The following CHRNA2 variants were observed in gnomAD, a reference collection of about 807,000 sequenced individuals.
CHRNA2 encodes cholinergic receptor nicotinic alpha 2 subunit.
In CHRNA2, 40 loss-of-function variants were observed where a neutral mutation model predicts 45.5. The ratio of observed to expected loss-of-function variants is 0.88; its 90% CI spans 0.68 to 1.15. The LOEUF (loss-of-function observed/expected upper bound fraction) is 1.15. Ranked by LOEUF, CHRNA2 falls within the 50% of genes most tolerant of loss-of-function variation. The pLI is 0.00. For missense variants in CHRNA2, 655 were observed against 701.7 expected, an observed-to-expected ratio of 0.93 and a Z score of 0.75; for synonymous variants, 301 against 296.7, an observed-to-expected ratio of 1.01 and a Z score of -0.15.
At chr8:27,462,934 T>G (rs368887170) in intron 6 of CHRNA2, 45 bp downstream of exon 6, 11 of 1,612,968 alleles carry the variant, frequency 6.8e-6, no homozygotes, top group Non-Finnish European at 9.3e-6. Flanking sequence ...CCCCGCTAAG[T>G]TGGTGGGGCC....
At chr8:27,462,013 C>CT (rs1812509165) in intron 6 of CHRNA2, among the ~76,000 whole-genome samples, 1 of 152,352 alleles carries the variant, frequency 6.6e-6, no homozygotes, top group South Asian at 2.1e-4. Flanking sequence ...TATTATGCTC[C>CT]TAGACTATAG....
At position 27,469,832 on chromosome 8, in the gene CHRNA2, G is replaced by A. The variant is rs770949841; in HGVS notation, c.223C>T (p.Arg75Cys). 2.0e-5 allele frequency: 32 copies of A among 1,614,054 alleles called. No homozygotes were observed. The highest frequency in any genetic ancestry group is 2.4e-5 in the Non-Finnish European group (28 of 1,180,046). Residue 75 changes from arginine (R) to cysteine (C), a missense_variant, in exon 3 of 7, where the codon CGC becomes TGC. Transcript: ENST00000407991. ...HLFRGYNRWARPVPNTSDVVI... is the reference protein window; with the variant it reads ...HLFRGYNRWACPVPNTSDVVI... ...ACGTCTGAAGTGTTGGGCACCGGGCGCGCCCAGCGGTTGTAGCCCCGGAAG... is the reference window on the plus strand; with the variant it reads ...ACGTCTGAAGTGTTGGGCACCGGGCACGCCCAGCGGTTGTAGCCCCGGAAG...
rs1812452955 is a variant in CHRNA2 at position 27,460,787 on chromosome 8, C to A, written c.*842G>T. The A allele has an allele frequency of 6.6e-6, 1 of 152,344 alleles. No homozygotes were observed. Among genetic ancestry groups the A allele is most frequent in the Admixed American group, 6.5e-5 (1 of 15,292 alleles). 9.4% of individuals were successfully genotyped at this position (152,344 alleles called of 1,614,324 possible). On this transcript the variant is annotated 3_prime_UTR_variant, in exon 7 of 7. Coordinates refer to ENST00000407991, the MANE Select transcript of CHRNA2 (RefSeq NM_000742.4). ...TGCACGCGTAGGGACATATGGAGCC[C>A]CTGCAGGCCATGGCTCTCAGCTCTG...
chr8:27,464,055 CAG>C (rs1158056432), intron 5 of CHRNA2, 62 bp from the exon 6 acceptor site: 6 of 1,593,536 alleles, frequency 3.8e-6, no homozygotes, highest in Non-Finnish European at 5.1e-6. Flanking sequence ...CCAGGCTACT[CAG>C]AGAGCTGGCA....
rs530383631 is a variant in CHRNA2, at chr8:27,463,168, A to T, written c.1275T>A (p.Cys425Ter). The change falls in exon 6 of 7, where the codon TGT (cysteine) becomes TGA (stop). Residue 425 changes from cysteine (C) to a stop codon, truncating the protein, a stop_gained. Coordinates refer to ENST00000407991, the MANE Select transcript of CHRNA2 (RefSeq NM_000742.4). LOFTEE classifies it high-confidence loss of function. The surrounding 1 kb of genome is among the most constrained non-coding windows in gnomAD (Gnocchi z 6.1). ...CCACAGAGGGGGCCACATGACCTGCACATGCCCATCTGTCCTCCTCCTCCA... is the reference window on the plus strand; with the variant it reads ...CCACAGAGGGGGCCACATGACCTGCTCATGCCCATCTGTCCTCCTCCTCCA... ...VVVEEEDRWA[C>*]AGHVAPSVGT... is the part of the protein sequence containing the mutation. The T allele has an allele frequency of 4.4e-6, 7 of 1,598,810 alleles. No homozygotes were observed. The African/African-American group carries it at 9.4e-5, about 21-fold the overall frequency.
rs753696515 is a variant in CHRNA2 at position 27,467,377 on chromosome 8, G to C, written c.340-39C>G. On this transcript the variant is annotated intron_variant, in intron 4 of 6. Coordinates refer to ENST00000407991, the MANE Select transcript of CHRNA2 (RefSeq NM_000742.4). ...AGGAGTTGTGTCAACCTCGCTTCCA[G>C]GGAGCAGCCTAGGGCAAAGCTAGCA... 3.3e-6 allele frequency: 5 copies of C among 1,518,138 alleles called. No individual in the cohort carries two copies. The South Asian group carries it at 5.6e-5, about 17-fold the overall frequency. 94.0% of individuals were successfully genotyped at this position (1,518,138 alleles called of 1,614,324 possible).
intron 1 of CHRNA2, among the ~76,000 whole-genome samples, chr8:27,474,697 A>G (rs1319541851): frequency 2.0e-5 from 3 of 152,272 alleles, no homozygotes; most frequent in Non-Finnish European, 4.4e-5. Context: ...CTCTGTTCAC[A>G]CAGCAAACCC....
intron 1 of CHRNA2, among the ~76,000 whole-genome samples, chr8:27,473,738 G>A (rs528163827): frequency 2.0e-5 from 3 of 152,136 alleles, no homozygotes; most frequent in Admixed American, 1.3e-4. Context: ...GTAAACCACC[G>A]GGTATGAGAG....
At chr8:27,467,150 G>T in intron 5 of CHRNA2, 79 bp downstream of exon 5, 1 of 1,092,188 alleles carries the variant, frequency 9.2e-7, no homozygotes, top group East Asian at 2.4e-5. Context: ...GACACCAGGG[G>T]GGCCCCTCCC....
rs1393164689 is a variant in CHRNA2, at chr8:27,479,225, G to T, written c.-538C>A. The T allele has an allele frequency of 1.3e-5, 2 of 153,990 alleles. No homozygotes were observed. The highest frequency in any genetic ancestry group is 3.0e-3 in the Middle Eastern group (1 of 332). 9.5% of individuals were successfully genotyped at this position (153,990 alleles called of 1,614,324 possible). On this transcript the variant is annotated 5_prime_UTR_variant, in exon 1 of 7. Coordinates refer to ENST00000407991, the MANE Select transcript of CHRNA2 (RefSeq NM_000742.4). ...GAGGGCTCAGCACACAAGCACACAG[G>T]CTCACGCTGTTCTCTCTCTCTCTCA...
At position 27,469,987 on chromosome 8, in the gene CHRNA2, A is replaced by G. The variant is rs755545432; in HGVS notation, c.74-6T>C. On this transcript the variant is annotated splice_polypyrimidine_tract_variant and splice_region_variant and intron_variant, in intron 2 of 6. Transcript: ENST00000407991. ...GCGCTTAGCTTCCTCTCCACCTGCC[A>G]TCAAATCAGAGCCACTCAGCCTCAC... The G allele has an allele frequency of 1.2e-6, 2 of 1,612,270 alleles. No homozygotes were observed. The highest frequency in any genetic ancestry group is 1.7e-6 in the Non-Finnish European group (2 of 1,179,276).
intron 1 of CHRNA2, among the ~76,000 whole-genome samples, chr8:27,473,454 C>G (rs1299910802): frequency 6.6e-6 from 1 of 151,470 alleles, no homozygotes; most frequent in Non-Finnish European, 1.5e-5. Context: ...AATTCCAGCT[C>G]TTTTGGAGGC....
chr8:27,472,728 G>A (rs1338569012), intron 1 of CHRNA2, among the ~76,000 whole-genome samples: 2 of 152,188 alleles, frequency 1.3e-5, no homozygotes, highest in African/African-American at 4.8e-5. Context: ...GAACTAGACG[G>A]TGTGATGTTA....
chr8:27,476,215 G>T (rs1366238470), intron 1 of CHRNA2, among the ~76,000 whole-genome samples: 2 of 152,194 alleles, frequency 1.3e-5, no homozygotes, highest in Admixed American at 6.5e-5. Flanking sequence ...TAGGAACAGG[G>T]AACTGAGTGA....
intron 2 of CHRNA2, 100 bp from the exon 3 acceptor site, chr8:27,470,081 G>A (rs1563323257): frequency 9.1e-6 from 10 of 1,100,770 alleles, no homozygotes; most frequent in Non-Finnish European, 1.3e-5. Flanking sequence ...CATTGTTGAA[G>A]ATGGCAGATG....
chr8:27,467,396 G>C, intron 4 of CHRNA2, 58 bp from the exon 5 acceptor site: 1 of 1,361,834 alleles, frequency 7.3e-7, no homozygotes, highest in Non-Finnish European at 1.0e-6. Context: ...CTAGGGCAAA[G>C]CTAGCACACC....
At chr8:27,476,452 T>TGG (rs1813063244) in intron 1 of CHRNA2, among the ~76,000 whole-genome samples, 1 of 152,226 alleles carries the variant, frequency 6.6e-6, no homozygotes, top group Admixed American at 6.5e-5. Context: ...ATGCTTGAGT[T>TGG]GTGTTGAGTT....
chr8:27,479,246 TCTCACA>T lies in CHRNA2; in HGVS notation c.-565_-560del. On this transcript the variant is annotated 5_prime_UTR_variant, in exon 1 of 7. Coordinates refer to ENST00000407991, the MANE Select transcript of CHRNA2 (RefSeq NM_000742.4). ...ACAGGCTCACGCTGTTCTCTCTCTC[TCTCACA>T]CACACACACACATACACACACACAC... 1 of 143,818 alleles carries T rather than the reference TCTCACA, an allele frequency of 7.0e-6. No homozygotes were observed. Among genetic ancestry groups the T allele is most frequent in the South Asian group, 2.1e-4 (1 of 4,708 alleles). The allele number at this position is 143,818 out of a possible 1,614,324, so 8.9% of individuals were successfully genotyped here.
Position 27,461,581 on chromosome 8 carries a change from A to C in CHRNA2, c.*48T>G. ...AGGCAGCTGTAGCAGAGACGGTCAA[A>C]AGATGGTCAGCGGGGGTGCCCTGGG... On this transcript the variant is annotated 3_prime_UTR_variant, in exon 7 of 7. Coordinates refer to ENST00000407991, the MANE Select transcript of CHRNA2 (RefSeq NM_000742.4). 6.2e-7 allele frequency: 1 copy of C among 1,612,944 alleles called. No individual in the cohort carries two copies. Among genetic ancestry groups the C allele is most frequent in the Non-Finnish European group, 8.5e-7 (1 of 1,179,082 alleles).
Sources: allele counts gnomAD v4.1 joint callset (sites outside exome capture counted in the v4.1 genomes callset), GRCh38; gene constraint gnomAD v4.1.1; non-coding constraint Gnocchi (gnomAD v3.1); transcripts MANE v1.5; gene names NCBI Gene and HGNC (gene_info 2026-07-23, HGNC 2026-07-21).